GULP1: variants seen among roughly 807,000 people sequenced by gnomAD.
GULP1 encodes GULP PTB domain containing engulfment adaptor 1.
A neutral mutation model predicts 40.9 loss-of-function variants in GULP1; 19 were observed. The observed-to-expected ratio is 0.46, with a 90% CI of 0.32 to 0.68. The LOEUF is 0.68. GULP1 is among the 30% of genes least tolerant of loss of function. The pLI is 0.03. For synonymous variants in GULP1, 119 were observed against 117.6 expected (o/e 1.01, Z -0.08); for missense variants, 312 against 362.2 (o/e 0.86, Z 1.12).
rs545327964 is a variant in GULP1 at position 188,304,374 on chromosome 2, G to A, written c.-172+12208G>A. ...GAGTTGACACCAAAATGGATTTTTCGAACCAGAGAGTAAAGATACAAAGAA... is the reference window on the plus strand; with the variant it reads ...GAGTTGACACCAAAATGGATTTTTCAAACCAGAGAGTAAAGATACAAAGAA... On this transcript the variant is annotated intron_variant, in intron 1 of 11. Coordinates refer to ENST00000409830, the MANE Select transcript of GULP1 (RefSeq NM_016315.4). Among the ~76,000 whole-genome samples the A allele has an allele frequency of 3.5e-4, 53 of 151,976 alleles. 2 individuals carry two copies. The South Asian group carries it at 4.4e-3, about 13-fold the overall frequency.
At chr2:188,338,870 T>G (rs1003633376) in intron 1 of GULP1, among the ~76,000 whole-genome samples, 1 of 152,218 alleles carries the variant, frequency 6.6e-6, no homozygotes, top group Non-Finnish European at 1.5e-5. Context: ...CCTCTTTGGC[T>G]ACCCTTCCAC....
chr2:188,346,120 C>T (rs892456375), intron 1 of GULP1, among the ~76,000 whole-genome samples: 1 of 152,192 alleles, frequency 6.6e-6, no homozygotes, highest in Non-Finnish European at 1.5e-5. Context: ...CTTTTAACCT[C>T]GACACCAAAA....
At chr2:188,303,668 A>G (rs908267498) in intron 1 of GULP1, among the ~76,000 whole-genome samples, 1 of 152,232 alleles carries the variant, frequency 6.6e-6, no homozygotes, top group South Asian at 2.1e-4. Context: ...ATAGCCAATA[A>G]CTGGAATACC....
chr2:188,477,808 G>GT, intron 3 of GULP1, 78 bp downstream of exon 3: 1 of 1,105,616 alleles, frequency 9.0e-7, no homozygotes, highest in South Asian at 1.4e-5. Flanking sequence ...TAAGAAATCA[G>GT]TTTTTCTTGT....
intron 2 of GULP1, among the ~76,000 whole-genome samples, chr2:188,464,611 AC>A (rs2059967598): frequency 6.6e-6 from 1 of 152,162 alleles, no homozygotes; most frequent in South Asian, 2.1e-4. Context: ...TTGCCCCAGG[AC>A]CTAGATCGGT....
intron 1 of GULP1, among the ~76,000 whole-genome samples, chr2:188,346,738 T>C (rs926596888): frequency 6.6e-6 from 1 of 151,978 alleles, no homozygotes; most frequent in African/African-American, 2.4e-5. Context: ...TTTGGGAGGC[T>C]GAGGCGGGCG....
chr2:188,452,610 T>C lies in GULP1; in HGVS notation c.-44-25049T>C, dbSNP rs566910223. The stretch of plus-strand genomic sequence containing the variant: ...AATAAATACACTGTTAATATGTGTT[T>C]CAAAACAACAAATGGTAGGTCCCTT... On this transcript the variant is annotated intron_variant, in intron 2 of 11. Transcript: ENST00000409830. Among the ~76,000 whole-genome samples, 7 of 152,318 alleles carry C rather than the reference T, an allele frequency of 4.6e-5. No homozygotes were observed. The South Asian group carries it at 1.5e-3, about 32-fold the overall frequency.
chr2:188,412,521 C>G (rs1259978310), intron 2 of GULP1, among the ~76,000 whole-genome samples: 1 of 152,004 alleles, frequency 6.6e-6, no homozygotes, highest in Non-Finnish European at 1.5e-5. Flanking sequence ...CTGGAACTCC[C>G]ACGGTTTCCC....
At chr2:188,465,674 C>A (rs1265420939) in intron 2 of GULP1, among the ~76,000 whole-genome samples, 1 of 152,068 alleles carries the variant, frequency 6.6e-6, no homozygotes, top group Non-Finnish European at 1.5e-5. Flanking sequence ...ATTCTCCCTC[C>A]TTGGGCGAGC....
chr2:188,484,082 C>T (rs994252558), intron 4 of GULP1, among the ~76,000 whole-genome samples: 2 of 151,930 alleles, frequency 1.3e-5, no homozygotes, highest in Non-Finnish European at 2.9e-5. Flanking sequence ...TGCCACCATG[C>T]TTTTTAGAAG....
At chr2:188,573,015 A>G (rs1172252484) in intron 9 of GULP1, among the ~76,000 whole-genome samples, 1 of 152,202 alleles carries the variant, frequency 6.6e-6, no homozygotes, top group African/African-American at 2.4e-5. Flanking sequence ...TTGTTCTCAC[A>G]ACAAATATGT....
chr2:188,362,068 A>G (rs2046172809), intron 1 of GULP1, among the ~76,000 whole-genome samples: 1 of 152,074 alleles, frequency 6.6e-6, no homozygotes, highest in African/African-American at 2.4e-5. Flanking sequence ...CTTGCATGTC[A>G]TATACTTCTG....
At chr2:188,407,581 C>T (rs4292061) in intron 2 of GULP1, among the ~76,000 whole-genome samples, 117,241 of 152,108 alleles carry the variant, frequency 0.77, 46,011 homozygotes, top group East Asian at 0.95. Context: ...AAAATAGCCT[C>T]TTTTAACTGT....
chr2:188,530,595 A>C (rs1053541158), intron 6 of GULP1, among the ~76,000 whole-genome samples: 6 of 152,146 alleles, frequency 3.9e-5, no homozygotes, highest in African/African-American at 1.2e-4. Flanking sequence ...GACACCAGGG[A>C]TACGTACACT....
intron 1 of GULP1, among the ~76,000 whole-genome samples, chr2:188,330,062 A>G (rs1391401086): frequency 6.6e-6 from 1 of 152,174 alleles, no homozygotes; most frequent in Admixed American, 6.5e-5. Flanking sequence ...AGTCGTCATC[A>G]TATAGGTAGT....
chr2:188,295,260 CACA>C lies in GULP1; in HGVS notation c.-172+3099_-172+3101del, dbSNP rs1370819473. On this transcript the variant is annotated intron_variant, in intron 1 of 11. Transcript: ENST00000409830. ...AAACAGACTTTCTTTTCTTAATGGC[CACA>C]ACAATTTCCTTAAGAATTTGGAGGA... is the stretch of plus-strand genomic sequence containing the variant. 9.9e-5 allele frequency among the ~76,000 whole-genome samples: 15 copies of C among 152,102 alleles called. 1 individual carries two copies. The East Asian group carries it at 2.7e-3, about 27-fold the overall frequency.
chr2:188,302,913 A>G (rs1016261047), intron 1 of GULP1, among the ~76,000 whole-genome samples: 1 of 152,168 alleles, frequency 6.6e-6, no homozygotes, highest in Non-Finnish European at 1.5e-5. Flanking sequence ...ACATCCTGCT[A>G]TTTGGCTACA....
intron 6 of GULP1, among the ~76,000 whole-genome samples, chr2:188,539,764 A>G (rs1410008629): frequency 6.6e-6 from 1 of 152,084 alleles, no homozygotes; most frequent in Non-Finnish European, 1.5e-5. Flanking sequence ...CATTTTATAT[A>G]TTCATTTTCA....
At chr2:188,324,424 A>T (rs1293165009) in intron 1 of GULP1, among the ~76,000 whole-genome samples, 1 of 152,094 alleles carries the variant, frequency 6.6e-6, no homozygotes, top group Non-Finnish European at 1.5e-5. Flanking sequence ...CTTCAAGAAG[A>T]ATAATATTCA....
Sources: gnomAD v4.1 joint callset for allele counts (sites outside exome capture counted in the v4.1 genomes callset) on GRCh38, gnomAD v4.1.1 for gene constraint, MANE v1.5 for transcripts, NCBI Gene and HGNC (gene_info 2026-07-23, HGNC 2026-07-21) for gene names.